The following LRP1B variants were observed in gnomAD, a reference collection of about 807,000 sequenced individuals.
LRP1B encodes low-density lipoprotein receptor-related protein 1B.
A neutral mutation model predicts 556.6 loss-of-function variants in LRP1B; 217 were observed. That is an observed-to-expected ratio of 0.39 (90% CI 0.35 to 0.44). LRP1B has a LOEUF of 0.44. Among genes scored for constraint, LRP1B ranks in the 20% least tolerant of loss-of-function variants. The pLI, the probability that LRP1B is intolerant of heterozygous loss-of-function variation, is 1.00. For missense variants in LRP1B, 5,053 were observed against 5,620.8 expected (o/e 0.90, Z 3.23); for synonymous variants, 2,047 against 1,865.8 (o/e 1.10, Z -2.50).
chr2:140,287,204 TTTTA>T (rs1458683834), intron 84 of LRP1B, among the ~76,000 whole-genome samples: 6 of 151,908 alleles, frequency 3.9e-5, no homozygotes, highest in East Asian at 3.9e-4. Context: ...TTTTAAAACA[TTTTA>T]TTTATTTATT....
intron 2 of LRP1B, among the ~76,000 whole-genome samples, chr2:141,651,159 T>G (rs1394345392): frequency 6.6e-6 from 1 of 152,204 alleles, no homozygotes; most frequent in African/African-American, 2.4e-5. Flanking sequence ...TTATTGGGTT[T>G]TATTCCAATG....
At chr2:141,897,711 A>G (rs1185599969) in intron 1 of LRP1B, among the ~76,000 whole-genome samples, 2 of 152,306 alleles carry the variant, frequency 1.3e-5, no homozygotes, top group Non-Finnish European at 2.9e-5. Flanking sequence ...GTTTAATATA[A>G]AGAAACTAAC....
At chr2:141,688,451 G>C (rs1691393299) in intron 2 of LRP1B, among the ~76,000 whole-genome samples, 1 of 151,834 alleles carries the variant, frequency 6.6e-6, no homozygotes, top group African/African-American at 2.4e-5. Context: ...CTGAGGTATA[G>C]ATGTTAAGTA....
chr2:140,541,729 A>G, intron 44 of LRP1B, 50 bp downstream of exon 44: 2 of 1,367,648 alleles, frequency 1.5e-6, no homozygotes, highest in South Asian at 2.8e-5. Flanking sequence ...ATTTTTAGAG[A>G]TCAGAGATTA....
intron 18 of LRP1B, among the ~76,000 whole-genome samples, chr2:140,980,684 G>A (rs540896870): frequency 1.3e-5 from 2 of 152,216 alleles, no homozygotes; most frequent in African/African-American, 4.8e-5. Flanking sequence ...ACAATACAGA[G>A]ATTCCTCAAA....
At chr2:140,782,641 A>T (rs1456531990) in intron 32 of LRP1B, among the ~76,000 whole-genome samples, 4 of 152,156 alleles carry the variant, frequency 2.6e-5, no homozygotes, top group African/African-American at 9.7e-5. Context: ...TACAGGAATT[A>T]ATGGATTATT....
intron 1 of LRP1B, among the ~76,000 whole-genome samples, chr2:142,005,669 C>G (rs953332715): frequency 6.6e-6 from 1 of 151,892 alleles, no homozygotes; most frequent in Non-Finnish European, 1.5e-5. Flanking sequence ...GACTGTAATG[C>G]TATATTCATT....
At chr2:141,962,517 A>G (rs1013339592) in intron 1 of LRP1B, among the ~76,000 whole-genome samples, 24 of 151,766 alleles carry the variant, frequency 1.6e-4, no homozygotes, top group African/African-American at 5.3e-4. Context: ...TTCAACTACA[A>G]CCTACAGAGG....
intron 18 of LRP1B, among the ~76,000 whole-genome samples, chr2:140,976,503 C>CTTTTT (rs1216208854): frequency 9.5e-5 from 10 of 105,330 alleles, no homozygotes; most frequent in African/African-American, 2.0e-4. Flanking sequence ...TTTTTTTTTC[C>CTTTTT]TTTTTTTTTT....
intron 2 of LRP1B, among the ~76,000 whole-genome samples, chr2:141,487,299 C>T (rs1283287345): frequency 6.6e-6 from 1 of 152,104 alleles, no homozygotes; most frequent in East Asian, 1.9e-4. Flanking sequence ...TTGATTATTT[C>T]TCATCCATCT....
At chr2:141,374,909 G>A (rs557676057) in intron 3 of LRP1B, among the ~76,000 whole-genome samples, 210 of 152,242 alleles carry the variant, frequency 1.4e-3, no homozygotes, top group Non-Finnish European at 2.6e-3. Flanking sequence ...GACCATTGTT[G>A]TGGTCCTTTG....
At chr2:141,769,122 C>T (rs1024676362) in intron 2 of LRP1B, among the ~76,000 whole-genome samples, 1 of 152,058 alleles carries the variant, frequency 6.6e-6, no homozygotes, top group Non-Finnish European at 1.5e-5. Context: ...CCCAGAGCAC[C>T]TTATTCTAGT....
intron 84 of LRP1B, among the ~76,000 whole-genome samples, chr2:140,291,825 A>C (rs996533544): frequency 2.0e-5 from 3 of 152,154 alleles, no homozygotes; most frequent in African/African-American, 7.2e-5. Flanking sequence ...GTATATACCC[A>C]GTAATGGGAT....
At chr2:141,929,070 A>C (rs1014044994) in intron 1 of LRP1B, among the ~76,000 whole-genome samples, 4 of 152,118 alleles carry the variant, frequency 2.6e-5, no homozygotes, top group Non-Finnish European at 5.9e-5. Flanking sequence ...CTGGCAAGCC[A>C]CTTGTCTAGA....
intron 2 of LRP1B, among the ~76,000 whole-genome samples, chr2:141,665,588 A>G (rs1026588794): frequency 1.3e-5 from 2 of 152,220 alleles, no homozygotes; most frequent in Non-Finnish European, 2.9e-5. Flanking sequence ...TATATGCCCA[A>G]AGGAATATAA....
rs776979327 is a variant in LRP1B at position 140,702,547 on chromosome 2, C to A, written c.6030G>T (p.Leu2010Phe). ...GCATTTGTCCCCATTCAGTCCAGAA[C>A]AAGAGGCTGAAATTAAATTGTTAAT... Reference protein sequence around the residue: ...SIAVHPEKGLLFWTEWGQMPC... With the variant: ...SIAVHPEKGLFFWTEWGQMPC... Residue 2010 changes from leucine to phenylalanine, a missense_variant, in exon 38 of 91, where the codon TTG becomes TTT. Physicochemically the swap from Leu to Phe is conservative, Grantham distance 22. This residue lies in a region of LRP1B where 3,619 missense variants were observed against 3,931.9 expected (regional missense o/e 0.92). Transcript: ENST00000389484. 3.1e-6 allele frequency: 5 copies of A among 1,612,910 alleles called. No individual in the cohort carries two copies. In the Middle Eastern group the frequency reaches 4.9e-4, roughly 159 times the overall value.
Position 140,644,755 on chromosome 2 carries a change from C to T in LRP1B, c.6800-43116G>A, listed in dbSNP as rs550954308. Among the ~76,000 whole-genome samples, 21 of 152,158 alleles carry T rather than the reference C, an allele frequency of 1.4e-4. No individual in the cohort carries two copies. The East Asian group carries it at 1.7e-3, about 13-fold the overall frequency. ...ACATAGGACTACATGGTGCAAACTTCGCTGTCCTGGTATATGACCCCATGC... is the reference window on the plus strand; with the variant it reads ...ACATAGGACTACATGGTGCAAACTTTGCTGTCCTGGTATATGACCCCATGC... On this transcript the variant is annotated intron_variant, in intron 41 of 90. Transcript: ENST00000389484.
chr2:140,929,517 G>A (rs1403188322), intron 20 of LRP1B, among the ~76,000 whole-genome samples: 1 of 152,066 alleles, frequency 6.6e-6, no homozygotes, highest in Non-Finnish European at 1.5e-5. Flanking sequence ...GATCTTGAAA[G>A]ATCTTGTGTG....
chr2:140,330,225 A>C (rs902807828), intron 79 of LRP1B, among the ~76,000 whole-genome samples: 5 of 148,026 alleles, frequency 3.4e-5, no homozygotes, highest in South Asian at 4.2e-4. Context: ...AATAATAATA[A>C]TAATAATAAT....
Sources: gnomAD v4.1 joint callset for allele counts (sites outside exome capture counted in the v4.1 genomes callset) on GRCh38, gnomAD v4.1.1 for gene constraint, gnomAD v4.1.1 regional missense constraint, MANE v1.5 for transcripts, NCBI Gene and HGNC (gene_info 2026-07-23, HGNC 2026-07-21) for gene names.